The following ALK variants were observed in gnomAD, a reference collection of about 807,000 sequenced individuals.
ALK encodes ALK tyrosine kinase receptor.
ALK carries 74 observed loss-of-function variants against 163.1 expected under a neutral mutation model. The observed-to-expected ratio is 0.45, with a 90% CI of 0.38 to 0.55. The LOEUF is 0.55. Ranked by LOEUF, ALK falls within the 20% of genes least tolerant of loss-of-function variation. The pLI is 0.00. For synonymous variants in ALK, 960 were observed against 843.2 expected, an observed-to-expected ratio of 1.14 and a Z score of -2.40; for missense variants, 2,063 against 2,105.3, an observed-to-expected ratio of 0.98 and a Z score of 0.39.
chr2:29,559,051 T>TACCTTGAAGGGTTCAGACAGAAGA (rs1558383802), intron 3 of ALK, among the ~76,000 whole-genome samples: 6 of 152,272 alleles, frequency 3.9e-5, no homozygotes, highest in African/African-American at 1.4e-4. Context: ...GTACCTAACA[T>TACCTTGAAGGGTTCAGACAGAAGA]ACCTTGAAGG....
At chr2:29,501,386 G>A (rs997603764) in intron 4 of ALK, among the ~76,000 whole-genome samples, 1 of 152,182 alleles carries the variant, frequency 6.6e-6, no homozygotes, top group Non-Finnish European at 1.5e-5. Flanking sequence ...AAAGGCCTTT[G>A]CACACTGCTG....
At chr2:29,774,499 C>A (rs980307547) in intron 1 of ALK, among the ~76,000 whole-genome samples, 2 of 152,170 alleles carry the variant, frequency 1.3e-5, no homozygotes, top group African/African-American at 4.8e-5. Flanking sequence ...CTCTCAACAA[C>A]CTTATGACAA....
At chr2:29,260,028 A>C (rs1329897734) in intron 11 of ALK, among the ~76,000 whole-genome samples, 1 of 152,152 alleles carries the variant, frequency 6.6e-6, no homozygotes, top group East Asian at 1.9e-4. Context: ...ATAACAAGAA[A>C]ATAGAGTCTT....
intron 1 of ALK, among the ~76,000 whole-genome samples, chr2:29,823,810 G>A (rs1254054684): frequency 8.5e-5 from 13 of 152,192 alleles, no homozygotes; most frequent in Admixed American, 4.6e-4. Context: ...CAATGTGATA[G>A]AAAAGAAAAT....
At chr2:29,414,472 T>C (rs537447044) in intron 4 of ALK, among the ~76,000 whole-genome samples, 3 of 152,304 alleles carry the variant, frequency 2.0e-5, no homozygotes, top group African/African-American at 7.2e-5. Flanking sequence ...TTGCCTTCAT[T>C]GTTTCTTTCT....
chr2:29,547,723 T>C (rs906725465), intron 3 of ALK, among the ~76,000 whole-genome samples: 1 of 152,166 alleles, frequency 6.6e-6, no homozygotes, highest in African/African-American at 2.4e-5. Context: ...CTTGCCTCCT[T>C]CTTTTATTGA....
rs530774574 is a variant in ALK at position 29,830,713 on chromosome 2, TAAAAAAAAAAAAAAAAAAAAAAAAAA to T, written c.667+89254_667+89279del. Among the ~76,000 whole-genome samples the T allele has an allele frequency of 0.01, 304 of 29,008 alleles. 6 individuals are homozygous for T. In the Middle Eastern group the frequency reaches 0.12, roughly 12 times the overall value. The allele number at this position is 29,008 out of a possible 152,430, so 19.0% of individuals were successfully genotyped here. A position where few individuals can be genotyped will look rare whatever the true frequency, so the allele number is the denominator to read the frequency against. On this transcript the variant is annotated intron_variant, in intron 1 of 28. Coordinates refer to ENST00000389048, the MANE Select transcript of ALK (RefSeq NM_004304.5). ...GCAAGACCCTGTCTCTAAAATAGTT[TAAAAAAAAAAAAAAAAAAAAAAAAAA>T]AAAAAAAAAAAAAACTTAGCCAAGC...
chr2:29,546,591 G>A (rs1673560676), intron 3 of ALK, among the ~76,000 whole-genome samples: 1 of 151,988 alleles, frequency 6.6e-6, no homozygotes, highest in South Asian at 2.1e-4. Context: ...AAACCCACTA[G>A]AGAGAGAGAG....
intron 6 of ALK, among the ~76,000 whole-genome samples, chr2:29,321,215 G>C (rs918371191): frequency 2.6e-5 from 4 of 152,236 alleles, no homozygotes; most frequent in Non-Finnish European, 5.9e-5. Context: ...ACAGCTAACA[G>C]ATAACCCAGT....
At chr2:29,368,852 C>G (rs1254427152) in intron 5 of ALK, among the ~76,000 whole-genome samples, 1 of 152,158 alleles carries the variant, frequency 6.6e-6, no homozygotes, top group Non-Finnish European at 1.5e-5. Context: ...CTTTAAAACC[C>G]TGGCAAAAGC....
At chr2:29,368,069 G>T (rs1668549429) in intron 5 of ALK, among the ~76,000 whole-genome samples, 1 of 152,172 alleles carries the variant, frequency 6.6e-6, no homozygotes, top group Non-Finnish European at 1.5e-5. Context: ...CAAACACCAG[G>T]GATGTGGAGA....
At chr2:29,771,012 C>CACAG (rs113656093) in intron 1 of ALK, among the ~76,000 whole-genome samples, 47,258 of 151,460 alleles carry the variant, frequency 0.31, 8,931 homozygotes, top group African/African-American at 0.52. Flanking sequence ...TGCACACATA[C>CACAG]ACAAATACAC....
At chr2:29,778,429 GAGA>G (rs1364866361) in intron 1 of ALK, among the ~76,000 whole-genome samples, 3 of 152,214 alleles carry the variant, frequency 2.0e-5, no homozygotes, top group Non-Finnish European at 4.4e-5. Context: ...GCTAAATTTG[GAGA>G]AGATGACTTC....
Position 29,412,656 on chromosome 2 carries a change from T to C in ALK, c.1155-28797A>G, listed in dbSNP as rs142056886. 1.9e-3 allele frequency among the ~76,000 whole-genome samples: 292 copies of C among 152,236 alleles called. 1 individual carries two copies. The highest frequency in any genetic ancestry group is 6.3e-3 in the African/African-American group (263 of 41,548). On this transcript the variant is annotated intron_variant, in intron 4 of 28. Transcript: ENST00000389048. Reference sequence around the variant, plus strand: ...TGCCTTCACATCAGCATATGCAGAGTCACCACTCACACATGCAGACTCACC... The same window carrying C: ...TGCCTTCACATCAGCATATGCAGAGCCACCACTCACACATGCAGACTCACC...
At chr2:29,460,271 A>G (rs1438352533) in intron 4 of ALK, among the ~76,000 whole-genome samples, 1 of 152,218 alleles carries the variant, frequency 6.6e-6, no homozygotes, top group East Asian at 1.9e-4. Flanking sequence ...CAATAGCATT[A>G]TGCCATGCTG....
chr2:29,760,532 C>A (rs1001001902), intron 1 of ALK, among the ~76,000 whole-genome samples: 4 of 152,040 alleles, frequency 2.6e-5, no homozygotes, highest in African/African-American at 7.3e-5. Flanking sequence ...GTCCACCCTT[C>A]CCAGGGATGT....
At chr2:29,245,750 G>A (rs553492256) in intron 12 of ALK, among the ~76,000 whole-genome samples, 66 of 150,770 alleles carry the variant, frequency 4.4e-4, no homozygotes, top group African/African-American at 1.6e-3. Flanking sequence ...CACACTAAGG[G>A]CTTTATGGCT....
At chr2:29,580,387 C>T (rs759929397) in intron 3 of ALK, among the ~76,000 whole-genome samples, 2 of 152,228 alleles carry the variant, frequency 1.3e-5, no homozygotes, top group Non-Finnish European at 2.9e-5. Context: ...CCCGCTCCCC[C>T]TTTCTCTGTA....
chr2:29,288,471 A>T (rs932887794), intron 9 of ALK, among the ~76,000 whole-genome samples: 3 of 152,196 alleles, frequency 2.0e-5, no homozygotes, highest in African/African-American at 7.2e-5. Flanking sequence ...CTGCAGGTAC[A>T]GGCTGACCTC....
Sources: gnomAD v4.1 joint callset for allele counts (sites outside exome capture counted in the v4.1 genomes callset) on GRCh38, gnomAD v4.1.1 for gene constraint, MANE v1.5 for transcripts, NCBI Gene and HGNC (gene_info 2026-07-23, HGNC 2026-07-21) for gene names.